Variants in SLC9C1 observed in about 807,000 individuals in gnomAD.
SLC9C1 encodes solute carrier family 9 member C1.
Under a neutral mutation model 140.9 loss-of-function variants are expected in SLC9C1, and 97 were observed. The observed-to-expected ratio is 0.69, with a 90% CI of 0.58 to 0.82. SLC9C1 has a LOEUF of 0.82. SLC9C1 is among the 40% of genes least tolerant of loss of function. The probability of loss-of-function intolerance (pLI) is 0.00; values close to 1 mark genes in which losing one functional copy is unlikely to be tolerated. For synonymous variants in SLC9C1, 440 were observed against 442.6 expected (o/e 0.99, Z 0.07); for missense variants, 1,340 against 1,389.3 (o/e 0.96, Z 0.56).
intron 20 of SLC9C1, among the ~76,000 whole-genome samples, chr3:112,190,658 A>G (rs2107993573): frequency 6.6e-6 from 1 of 152,202 alleles, no homozygotes; most frequent in South Asian, 2.1e-4. Flanking sequence ...TTCTTTGATT[A>G]TTAGGGATGT....
rs532407184 is a variant in SLC9C1, at chr3:112,193,755, G to A, written c.2523+5566C>T. On this transcript the variant is annotated intron_variant, in intron 20 of 28. Coordinates refer to ENST00000305815, the MANE Select transcript of SLC9C1 (RefSeq NM_183061.3). ...GTGTGTTATCTACTTGCTGGCTTGTGGGCCTCTCCTGGTTGCAGGAGAGAC... is the reference window on the plus strand; with the variant it reads ...GTGTGTTATCTACTTGCTGGCTTGTAGGCCTCTCCTGGTTGCAGGAGAGAC... Among the ~76,000 whole-genome samples, 17 of 152,170 alleles carry A rather than the reference G, an allele frequency of 1.1e-4. 1 individual carries two copies. The South Asian group carries it at 3.5e-3, about 32-fold the overall frequency.
chr3:112,287,201 A>C (rs993977712), intron 1 of SLC9C1, among the ~76,000 whole-genome samples: 5 of 152,246 alleles, frequency 3.3e-5, no homozygotes, highest in African/African-American at 1.2e-4. Flanking sequence ...TTGGAACCAC[A>C]AGCTGGTGCA....
chr3:112,283,606 G>C (rs1024868525), intron 2 of SLC9C1, among the ~76,000 whole-genome samples: 2 of 152,020 alleles, frequency 1.3e-5, no homozygotes, highest in Non-Finnish European at 2.9e-5. Context: ...TTCAGGATTA[G>C]GCTTTGACAG....
At chr3:112,272,313 C>A (rs886308642) in intron 6 of SLC9C1, among the ~76,000 whole-genome samples, 2 of 152,124 alleles carry the variant, frequency 1.3e-5, no homozygotes, top group African/African-American at 2.4e-5. Context: ...TTTGTTAAGC[C>A]AGGAAAAGTC....
At chr3:112,147,729 C>G (rs956585798) in intron 28 of SLC9C1, among the ~76,000 whole-genome samples, 6 of 152,050 alleles carry the variant, frequency 3.9e-5, no homozygotes, top group African/African-American at 1.4e-4. Context: ...TGGCACTGAC[C>G]CTGGACAGTC....
At chr3:112,163,758 G>A (rs1248072715) in intron 26 of SLC9C1, among the ~76,000 whole-genome samples, 2 of 152,112 alleles carry the variant, frequency 1.3e-5, no homozygotes, top group African/African-American at 2.4e-5. Flanking sequence ...GTTGATTTGG[G>A]GTGGAGAGTT....
chr3:112,169,159 CAAAG>C (rs1189081906), intron 24 of SLC9C1, 34 bp downstream of exon 24: 13 of 1,599,060 alleles, frequency 8.1e-6, no homozygotes, highest in South Asian at 1.1e-5. Context: ...CCATTCCATT[CAAAG>C]AAAGAAAGAC....
Position 112,190,987 on chromosome 3 carries a change from G to A in SLC9C1, c.2523+8334C>T, listed in dbSNP as rs1158374247. Reference sequence around the variant, plus strand: ...CACATATATATATATGGCTTTGTAAGTGGTTTAGAAAAGCTTTCCTCACAT... The same window carrying A: ...CACATATATATATATGGCTTTGTAAATGGTTTAGAAAAGCTTTCCTCACAT... On this transcript the variant is annotated intron_variant, in intron 20 of 28. Coordinates refer to ENST00000305815, the MANE Select transcript of SLC9C1 (RefSeq NM_183061.3). Among the ~76,000 whole-genome samples, 6 of 150,432 alleles carry A rather than the reference G, an allele frequency of 4.0e-5. No homozygotes were observed. The East Asian group carries it at 9.7e-4, about 24-fold the overall frequency.
chr3:112,151,200 A>G (rs2074967585), intron 28 of SLC9C1, among the ~76,000 whole-genome samples: 1 of 152,186 alleles, frequency 6.6e-6, no homozygotes, highest in African/African-American at 2.4e-5. Context: ...TTTTTAACTT[A>G]GTGATATGAT....
intron 10 of SLC9C1, among the ~76,000 whole-genome samples, chr3:112,253,971 A>G (rs185349550): frequency 3.9e-5 from 6 of 152,342 alleles, no homozygotes; most frequent in African/African-American, 1.4e-4. Flanking sequence ...AGCAGAATAA[A>G]CCAAGATGAG....
chr3:112,165,345 A>T (rs1212745452), intron 26 of SLC9C1, among the ~76,000 whole-genome samples: 1 of 152,060 alleles, frequency 6.6e-6, no homozygotes. Flanking sequence ...AAGGAGAGGC[A>T]CTCTGATTTA....
intron 12 of SLC9C1, among the ~76,000 whole-genome samples, chr3:112,234,071 G>C (rs1247908778): frequency 1.3e-5 from 2 of 152,294 alleles, no homozygotes; most frequent in Admixed American, 1.3e-4. Flanking sequence ...CTTCCACAAT[G>C]GTTGAACTAG....
At chr3:112,225,931 A>G (rs1310517557) in intron 13 of SLC9C1, among the ~76,000 whole-genome samples, 3 of 152,196 alleles carry the variant, frequency 2.0e-5, no homozygotes, top group Admixed American at 6.6e-5. Flanking sequence ...AAATTATTAG[A>G]TCTGAAGGGA....
intron 13 of SLC9C1, among the ~76,000 whole-genome samples, chr3:112,224,596 A>T (rs887991912): frequency 4.7e-5 from 3 of 63,798 alleles, no homozygotes; most frequent in Admixed American, 4.4e-4. Context: ...AAAAAGATAG[A>T]TATTATAAAA....
rs776408824 is a variant in SLC9C1, at chr3:112,221,211, T to TC, written c.1586dup (p.Gln530ThrfsTer5). On this transcript the variant is annotated frameshift_variant, in exon 14 of 29. Transcript: ENST00000305815. LOFTEE classifies it high-confidence loss of function. ...GGGACAGAATCTCATTCCTGTATTG[T>TC]CTCTGGTAGCTTGCCTAAAAAAATA... 1.2e-6 allele frequency: 2 copies of TC among 1,613,476 alleles called. No homozygotes were observed. The highest frequency in any genetic ancestry group is 1.7e-6 in the Non-Finnish European group (2 of 1,179,654).
chr3:112,145,516 G>A (rs2107837151), intron 28 of SLC9C1, among the ~76,000 whole-genome samples: 1 of 142,424 alleles, frequency 7.0e-6, no homozygotes, highest in South Asian at 2.3e-4. Flanking sequence ...TTTTGAAATA[G>A]TTTCAGTAGA....
Position 112,263,081 on chromosome 3 carries a change from A to C in SLC9C1, c.1040T>G (p.Leu347Ter), listed in dbSNP as rs1406761574. 1 of 1,568,378 alleles carries C rather than the reference A, an allele frequency of 6.4e-7. No individual in the cohort carries two copies. Among genetic ancestry groups the C allele is most frequent in the Non-Finnish European group, 8.6e-7 (1 of 1,164,804 alleles). Residue 347 changes from leucine to a stop codon, truncating the protein, a stop_gained, in exon 10 of 29, where the codon TTA becomes TGA. Coordinates refer to ENST00000305815, the MANE Select transcript of SLC9C1 (RefSeq NM_183061.3). LOFTEE classifies it high-confidence loss of function. Reference protein sequence around the residue: ...LIVLRFLTLLLISPVLSRVGH... With the variant: ...LIVLRFLTLL ...AACTCGAGACAAAACAGGGCTTATT[A>C]AAAGAAGGGTCAGAAATCTAAAAGA...
chr3:112,172,869 C>A (rs1023442945), intron 23 of SLC9C1, among the ~76,000 whole-genome samples: 2 of 151,940 alleles, frequency 1.3e-5, no homozygotes, highest in African/African-American at 2.4e-5. Flanking sequence ...TCGAATCAAT[C>A]TTATATTCCT....
chr3:112,173,151 C>G (rs1361433363), intron 23 of SLC9C1, among the ~76,000 whole-genome samples: 1 of 152,084 alleles, frequency 6.6e-6, no homozygotes, highest in Non-Finnish European at 1.5e-5. Context: ...TTTGATAAAA[C>G]TCATCAGTAA....
Sources: allele counts gnomAD v4.1 joint callset (sites outside exome capture counted in the v4.1 genomes callset), GRCh38; gene constraint gnomAD v4.1.1; transcripts MANE v1.5; gene names NCBI Gene and HGNC (gene_info 2026-07-23, HGNC 2026-07-21).